Variants in EPM2A observed in about 807,000 individuals in gnomAD.
EPM2A encodes EPM2A glucan phosphatase, laforin.
In EPM2A, 21 loss-of-function variants were observed where a neutral mutation model predicts 26.5. The observed-to-expected ratio is 0.79, with a 90% CI of 0.56 to 1.14. EPM2A has a LOEUF of 1.14. Among genes scored for constraint, EPM2A ranks in the 50% most tolerant of loss-of-function variants. EPM2A has a pLI of 0.00. For synonymous variants in EPM2A, 217 were observed against 177.6 expected (o/e 1.22, Z -1.76); for missense variants, 458 against 440.8 (o/e 1.04, Z -0.35).
chr6:145,694,796 A>G (rs1390123349), intron 1 of EPM2A, among the ~76,000 whole-genome samples: 1 of 151,986 alleles, frequency 6.6e-6, no homozygotes, highest in African/African-American at 2.4e-5. Context: ...CTCCTCCCCA[A>G]CTGTCAGTAC....
chr6:145,463,456 ATGTG>A (rs1779350643), intron 4 of EPM2A: 1 of 152,090 alleles, frequency 6.6e-6, no homozygotes, highest in Non-Finnish European at 1.5e-5. Context: ...ATATTTATAT[ATGTG>A]TGTGTAAATT....
chr6:145,592,013 A>AT (rs1469793070), intron 2 of EPM2A, among the ~76,000 whole-genome samples: 1 of 152,016 alleles, frequency 6.6e-6, no homozygotes, highest in East Asian at 1.9e-4. Flanking sequence ...ATTTTATTGT[A>AT]TTTTTTTAAA....
chr6:145,392,367 G>A (rs1484306299), intron 4 of EPM2A, among the ~76,000 whole-genome samples: 1 of 152,168 alleles, frequency 6.6e-6, no homozygotes, highest in Non-Finnish European at 1.5e-5. Context: ...AAACTTGAGA[G>A]CTACCTTGAG....
intron 4 of EPM2A, among the ~76,000 whole-genome samples, chr6:145,481,713 T>C (rs1582788974): frequency 6.6e-6 from 1 of 152,254 alleles, no homozygotes; most frequent in East Asian, 1.9e-4. Context: ...TAAGTACTTG[T>C]TGTTATTTTA....
At chr6:145,674,950 C>G (rs113145035) in intron 2 of EPM2A, among the ~76,000 whole-genome samples, 5 of 152,196 alleles carry the variant, frequency 3.3e-5, no homozygotes, top group African/African-American at 1.2e-4. Context: ...CGAAGATACT[C>G]CTCAAGAAGA....
intron 4 of EPM2A, among the ~76,000 whole-genome samples, chr6:145,396,826 G>GCTA (rs1778411641): frequency 6.6e-6 from 1 of 152,180 alleles, no homozygotes; most frequent in African/African-American, 2.4e-5. Context: ...ACAAGTCACA[G>GCTA]CTATGGTGGT....
chr6:145,473,518 A>G (rs1459381481), intron 4 of EPM2A, among the ~76,000 whole-genome samples: 1 of 152,158 alleles, frequency 6.6e-6, no homozygotes, highest in Admixed American at 6.6e-5. Context: ...ATAACAGAGA[A>G]CTTCCCAAAC....
chr6:145,582,761 G>T (rs1489055719), intron 2 of EPM2A, among the ~76,000 whole-genome samples: 1 of 152,110 alleles, frequency 6.6e-6, no homozygotes, highest in Non-Finnish European at 1.5e-5. Context: ...CAAGTTGCTT[G>T]TTTTCTCTCC....
At chr6:145,662,763 G>A (rs951321991) in intron 2 of EPM2A, among the ~76,000 whole-genome samples, 9 of 152,140 alleles carry the variant, frequency 5.9e-5, no homozygotes, top group Non-Finnish European at 8.8e-5. Context: ...TGAGGAACCC[G>A]ATCAGATATC....
intron 4 of EPM2A, among the ~76,000 whole-genome samples, chr6:145,468,196 C>A (rs1779425292): frequency 1.3e-5 from 2 of 151,944 alleles, no homozygotes; most frequent in South Asian, 4.2e-4. Context: ...CATAATGTCC[C>A]AGGGTTTCGA....
chr6:145,708,222 T>G (rs552408914), intron 1 of EPM2A, among the ~76,000 whole-genome samples: 3 of 152,106 alleles, frequency 2.0e-5, no homozygotes, highest in African/African-American at 7.2e-5. Flanking sequence ...GATGATGCAA[T>G]AGAAAAGAAA....
intron 4 of EPM2A, among the ~76,000 whole-genome samples, chr6:145,464,673 T>A (rs573134095): frequency 6.6e-6 from 1 of 152,170 alleles, no homozygotes; most frequent in African/African-American, 2.4e-5. Context: ...GACAGTTACA[T>A]GTGTAACATA....
intron 2 of EPM2A, among the ~76,000 whole-genome samples, chr6:145,547,531 C>A (rs1169008344): frequency 6.6e-6 from 1 of 152,084 alleles, no homozygotes; most frequent in Admixed American, 6.6e-5. Context: ...GAAGCACATT[C>A]TACAAGAAAA....
chr6:145,490,718 AT>A, intron 4 of EPM2A: 2 of 567,644 alleles, frequency 3.5e-6, no homozygotes, highest in Non-Finnish European at 6.9e-6. Context: ...GAACCATTAC[AT>A]TTCTCACAAT....
intron 2 of EPM2A, chr6:145,684,828 C>T (rs570165813): frequency 1.3e-5 from 2 of 152,148 alleles, no homozygotes; most frequent in South Asian, 2.1e-4. Flanking sequence ...GCCATAAAAC[C>T]ACGAGACATG....
chr6:145,397,491 C>T (rs548068524), intron 4 of EPM2A, among the ~76,000 whole-genome samples: 114 of 152,182 alleles, frequency 7.5e-4, no homozygotes, highest in African/African-American at 2.7e-3. Context: ...GGTTGGTCTA[C>T]GCCTTTAGAA....
At chr6:145,680,962 G>A (rs1414884961) in intron 2 of EPM2A, among the ~76,000 whole-genome samples, 12 of 150,222 alleles carry the variant, frequency 8.0e-5, no homozygotes, top group Non-Finnish European at 1.2e-4. Flanking sequence ...CTGAGGAATC[G>A]CCACACTGAC....
Position 145,686,114 on chromosome 6 carries a change from A to G in EPM2A, c.476+8T>C. The G allele has an allele frequency of 6.2e-7, 1 of 1,611,564 alleles. No individual in the cohort carries two copies. On this transcript the variant is annotated splice_region_variant and intron_variant, in intron 2 of 3. Coordinates refer to ENST00000367519, the MANE Select transcript of EPM2A (RefSeq NM_005670.4). ...CTTCTATGCCTATAAATATAGCACT[A>G]TTTTTACCTTGAATAATGCATGGCT...
chr6:145,528,179 A>G (rs146645316), intron 2 of EPM2A, among the ~76,000 whole-genome samples: 2 of 152,268 alleles, frequency 1.3e-5, no homozygotes, highest in East Asian at 1.9e-4. Flanking sequence ...CCATAACACA[A>G]AAGTGCAAGG....
Sources: allele counts gnomAD v4.1 joint callset (sites outside exome capture counted in the v4.1 genomes callset), GRCh38; gene constraint gnomAD v4.1.1; transcripts MANE v1.5; gene names NCBI Gene and HGNC (gene_info 2026-07-23, HGNC 2026-07-21).